RNGTT: variants seen among roughly 807,000 people sequenced by gnomAD.
The protein encoded by RNGTT is mRNA-capping enzyme.
In RNGTT, 33 loss-of-function variants were observed where a neutral mutation model predicts 79.3. The observed-to-expected ratio is 0.42, with a 90% CI of 0.32 to 0.56. The LOEUF is 0.56. Ranked by LOEUF, RNGTT falls within the 20% of genes least tolerant of loss-of-function variation. RNGTT has a pLI of 0.17. For synonymous variants in RNGTT, 222 were observed against 235.9 expected (o/e 0.94, Z 0.54); for missense variants, 497 against 739.1 (o/e 0.67, Z 3.80).
At position 88,917,955 on chromosome 6, in the gene RNGTT, T is replaced by C. The variant is rs1297707900; in HGVS notation, c.367+11030A>G. Reference sequence around the variant, plus strand: ...AAAACACAGGGTCATGTATGCCAAGTAAAGGAAATTTTCTAAGTTATGAGT... The same window carrying C: ...AAAACACAGGGTCATGTATGCCAAGCAAAGGAAATTTTCTAAGTTATGAGT... On this transcript the variant is annotated intron_variant, in intron 4 of 15. Coordinates refer to ENST00000369485, the MANE Select transcript of RNGTT (RefSeq NM_003800.5). Among the ~76,000 whole-genome samples, 3 of 151,988 alleles carry C rather than the reference T, an allele frequency of 2.0e-5. 1 individual carries two copies. Among genetic ancestry groups the C allele is most frequent in the African/African-American group, 7.2e-5 (3 of 41,398 alleles).
At chr6:88,641,247 G>T (rs934747570) in intron 14 of RNGTT, among the ~76,000 whole-genome samples, 2 of 151,778 alleles carry the variant, frequency 1.3e-5, no homozygotes, top group Non-Finnish European at 1.5e-5. Context: ...GCTGAGGCAG[G>T]AGAATCACTT....
At chr6:88,632,127 ATTTTTGTAT>A (rs1476783648) in intron 14 of RNGTT, among the ~76,000 whole-genome samples, 1 of 152,018 alleles carries the variant, frequency 6.6e-6, no homozygotes, top group African/African-American at 2.4e-5. Flanking sequence ...CACTTGGCTA[ATTTTTGTAT>A]TTTTTGTAGA....
chr6:88,922,537 T>A (rs1784195700), intron 4 of RNGTT, among the ~76,000 whole-genome samples: 1 of 152,018 alleles, frequency 6.6e-6, no homozygotes, highest in African/African-American at 2.4e-5. Flanking sequence ...AAAAAAAATT[T>A]TTTTTTTTGA....
At chr6:88,801,311 G>A (rs549883524) in intron 12 of RNGTT, among the ~76,000 whole-genome samples, 7 of 152,150 alleles carry the variant, frequency 4.6e-5, no homozygotes, top group Non-Finnish European at 8.8e-5. Flanking sequence ...GAAATGTAAC[G>A]ACCAAAAATG....
chr6:88,856,726 T>C (rs1474759083), intron 8 of RNGTT, among the ~76,000 whole-genome samples: 1 of 152,170 alleles, frequency 6.6e-6, no homozygotes, highest in Non-Finnish European at 1.5e-5. Context: ...CATATGTTCT[T>C]TTGTTATGCG....
intron 4 of RNGTT, among the ~76,000 whole-genome samples, chr6:88,926,749 G>T (rs1268281418): frequency 6.6e-6 from 1 of 152,148 alleles, no homozygotes; most frequent in Non-Finnish European, 1.5e-5. Context: ...CCAAGTCTCA[G>T]TTTAAGGGCA....
intron 2 of RNGTT, among the ~76,000 whole-genome samples, chr6:88,933,039 A>G (rs552036270): frequency 1.3e-5 from 2 of 151,620 alleles, no homozygotes; most frequent in South Asian, 2.1e-4. Flanking sequence ...CCCTTTCTCC[A>G]CTTTAATCCT....
intron 1 of RNGTT, among the ~76,000 whole-genome samples, chr6:88,945,940 A>G (rs1216552306): frequency 6.6e-6 from 1 of 152,258 alleles, no homozygotes; most frequent in Non-Finnish European, 1.5e-5. Flanking sequence ...AGAGAAGAGT[A>G]GCCTGGGAAA....
intron 12 of RNGTT, among the ~76,000 whole-genome samples, chr6:88,799,880 A>C (rs1216251687): frequency 3.9e-5 from 6 of 152,060 alleles, no homozygotes; most frequent in Non-Finnish European, 8.8e-5. Flanking sequence ...TTCTGAATTT[A>C]TTGTTATATT....
chr6:88,733,132 G>C (rs77819697), intron 13 of RNGTT, among the ~76,000 whole-genome samples: 11,817 of 152,190 alleles, frequency 0.078, 715 homozygotes, highest in Non-Finnish European at 0.11. Flanking sequence ...GCCAAGCTGG[G>C]TGGGGATGGC....
At chr6:88,805,580 T>C (rs948508828) in intron 11 of RNGTT, among the ~76,000 whole-genome samples, 1 of 152,144 alleles carries the variant, frequency 6.6e-6, no homozygotes, top group Non-Finnish European at 1.5e-5. Context: ...CAGAAAGACT[T>C]GGTCCTGACA....
intron 6 of RNGTT, among the ~76,000 whole-genome samples, chr6:88,902,559 G>A (rs1027759132): frequency 6.6e-6 from 1 of 150,568 alleles, no homozygotes; most frequent in Non-Finnish European, 1.5e-5. Context: ...CTATGAACAA[G>A]CCACTGCACT....
At chr6:88,613,061 C>T (rs1403595036) in intron 15 of RNGTT, among the ~76,000 whole-genome samples, 179 bp from the exon 16 acceptor site, 1 of 152,172 alleles carries the variant, frequency 6.6e-6, no homozygotes, top group Non-Finnish European at 1.5e-5. Flanking sequence ...ATGTGCTTGT[C>T]TAATGGCTAC....
rs765784879 is a variant in RNGTT at position 88,769,789 on chromosome 6, C to T, written c.1424G>A (p.Arg475Lys). Residue 475 changes from arginine to lysine, a missense_variant, in exon 13 of 16, where the codon AGA becomes AAA. By Grantham distance (26) the Arg-to-Lys change is conservative. Around this residue, in one of 3 missense-constraint regions of RNGTT, gnomAD observed 440 missense variants for 671.5 expected, o/e 0.66. Coordinates refer to ENST00000369485, the MANE Select transcript of RNGTT (RefSeq NM_003800.5). ...GCATACTTACCCTTCTCCTCCCATT[C>T]TTGTTATTTTTAGACGAAAATCCAC... The part of the protein sequence containing the change: ...NSVDFRLKIT[R>K]MGGEGLLPQN... 2 of 1,607,960 alleles carry T rather than the reference C, an allele frequency of 1.2e-6. No homozygotes were observed. Among genetic ancestry groups the T allele is most frequent in the African/African-American group, 2.7e-5 (2 of 74,810 alleles).
intron 14 of RNGTT, among the ~76,000 whole-genome samples, chr6:88,649,821 G>A (rs562662098): frequency 1.4e-4 from 22 of 152,288 alleles, no homozygotes; most frequent in Admixed American, 7.2e-4. Flanking sequence ...ACCCAGCCCA[G>A]GGCATTCAGA....
intron 14 of RNGTT, among the ~76,000 whole-genome samples, chr6:88,634,669 A>G (rs978897352): frequency 2.0e-5 from 3 of 152,136 alleles, no homozygotes; most frequent in Non-Finnish European, 4.4e-5. Context: ...CCAAAATTCA[A>G]ATTCGGAGGT....
Position 88,667,731 on chromosome 6 carries a change from G to A in RNGTT, c.1506+10622C>T, listed in dbSNP as rs553727478. Among the ~76,000 whole-genome samples, 7 of 152,304 alleles carry A rather than the reference G, an allele frequency of 4.6e-5. No homozygotes were observed. In the South Asian group the frequency reaches 1.0e-3, roughly 23 times the overall value. ...TTGTGGCTGACTTGGTACAGAAGAC[G>A]GCAAAGGTATTGGGGATCACATGGA... On this transcript the variant is annotated intron_variant, in intron 14 of 15. Transcript: ENST00000369485.
chr6:88,882,883 C>T (rs1391657619), intron 8 of RNGTT, among the ~76,000 whole-genome samples: 4 of 152,226 alleles, frequency 2.6e-5, no homozygotes, highest in East Asian at 1.9e-4. Context: ...TGATTCTGAA[C>T]TTCCTAGCCT....
At chr6:88,752,175 T>C (rs1024674135) in intron 13 of RNGTT, among the ~76,000 whole-genome samples, 1 of 152,064 alleles carries the variant, frequency 6.6e-6, no homozygotes, top group Non-Finnish European at 1.5e-5. Context: ...ATATTAAATA[T>C]CCTCTCATCA....
Sources: allele counts gnomAD v4.1 joint callset (sites outside exome capture counted in the v4.1 genomes callset), GRCh38; gene constraint gnomAD v4.1.1; regional missense constraint gnomAD v4.1.1; transcripts MANE v1.5; gene names NCBI Gene and HGNC (gene_info 2026-07-23, HGNC 2026-07-21).